Variants in ATG7 observed in about 807,000 individuals in gnomAD.
ATG7 encodes the protein autophagy related 7.
A neutral mutation model predicts 82.4 loss-of-function variants in ATG7; 70 were observed. That is an observed-to-expected ratio of 0.85 (90% CI 0.70 to 1.04). ATG7 has a LOEUF of 1.04. ATG7 is among the 50% of genes least tolerant of loss of function. The pLI, the probability that ATG7 is intolerant of heterozygous loss-of-function variation, is 0.00. For synonymous variants in ATG7, 287 were observed against 313.0 expected (o/e 0.92, Z 0.88); for missense variants, 792 against 864.3 (o/e 0.92, Z 1.05).
At chr3:11,359,738 A>G (rs1344041762) in intron 15 of ATG7, among the ~76,000 whole-genome samples, 1 of 151,124 alleles carries the variant, frequency 6.6e-6, no homozygotes, top group Admixed American at 6.6e-5. Context: ...AAAACCAACT[A>G]TGCGGAGCCA....
At chr3:11,376,232 A>T (rs2077406406) in intron 18 of ATG7, among the ~76,000 whole-genome samples, 1 of 152,200 alleles carries the variant, frequency 6.6e-6, no homozygotes, top group African/African-American at 2.4e-5. Context: ...GGGGGTGATG[A>T]AAATGTTCTG....
At chr3:11,286,997 C>T (rs1474323686) in intron 3 of ATG7, among the ~76,000 whole-genome samples, 1 of 151,738 alleles carries the variant, frequency 6.6e-6, no homozygotes, top group African/African-American at 2.4e-5. Flanking sequence ...GAACTCCTGC[C>T]CCCAAGCAGT....
At chr3:11,393,732 G>C (rs2078998856) in intron 19 of ATG7, among the ~76,000 whole-genome samples, 2 of 152,012 alleles carry the variant, frequency 1.3e-5, no homozygotes, top group African/African-American at 4.8e-5. Context: ...CCAGGCTGGA[G>C]TGCAGAGGTG....
At position 11,331,311 on chromosome 3, in the gene ATG7, CT is replaced by C. The variant is rs569871835; in HGVS notation, c.679-27del. ...ATTGTGAAGCTGACATGATACTCGA[CT>C]TACTCAGAAAGTCTTTTTTGTTCAC... On this transcript the variant is annotated intron_variant, in intron 9 of 20. Coordinates refer to ENST00000693202, the MANE Select transcript of ATG7 (RefSeq NM_001349232.2). 33 of 1,535,362 alleles carry C rather than the reference CT, an allele frequency of 2.1e-5. No individual in the cohort carries two copies. In the Middle Eastern group the frequency reaches 1.5e-3, roughly 71 times the overall value.
chr3:11,506,728 C>T (rs9837162), intron 20 of ATG7, among the ~76,000 whole-genome samples: 82,210 of 151,538 alleles, frequency 0.54, 22,731 homozygotes, highest in East Asian at 0.65. Context: ...AGTGGCAGAG[C>T]GAGACTCTGT....
intron 19 of ATG7, among the ~76,000 whole-genome samples, chr3:11,399,771 A>G (rs931137450): frequency 2.0e-5 from 3 of 152,122 alleles, no homozygotes; most frequent in Admixed American, 1.3e-4. Context: ...ACAGAGCTTC[A>G]CCATGTTGGT....
chr3:11,438,825 G>A (rs939167834), intron 20 of ATG7, among the ~76,000 whole-genome samples: 2 of 152,118 alleles, frequency 1.3e-5, no homozygotes, highest in Non-Finnish European at 2.9e-5. Context: ...CTGGCCTGTG[G>A]CGCTGCTGAG....
Position 11,348,047 on chromosome 3 carries a change from C to T in ATG7, c.1284+12C>T. On this transcript the variant is annotated intron_variant, in intron 14 of 20. Coordinates refer to ENST00000693202, the MANE Select transcript of ATG7 (RefSeq NM_001349232.2). ...TATTCCCCGGTGTGGTATGTTGTTG[C>T]TTTTGCAGAGGTTTTCTGTTATATG... 1 of 1,608,430 alleles carries T rather than the reference C, an allele frequency of 6.2e-7. No homozygotes were observed. Among genetic ancestry groups the T allele is most frequent in the East Asian group, 2.2e-5 (1 of 44,730 alleles).
At chr3:11,396,026 G>A (rs1234759822) in intron 19 of ATG7, among the ~76,000 whole-genome samples, 1 of 148,842 alleles carries the variant, frequency 6.7e-6, no homozygotes, top group East Asian at 2.0e-4. Context: ...CAAGAACAGA[G>A]TCCACCACTA....
chr3:11,357,211 T>G (rs1003677914), intron 14 of ATG7, among the ~76,000 whole-genome samples: 2 of 152,190 alleles, frequency 1.3e-5, no homozygotes, highest in African/African-American at 4.8e-5. Context: ...AGTTTATGAT[T>G]CTAGAACACA....
At chr3:11,278,560 C>G (rs1307304810) in intron 1 of ATG7, among the ~76,000 whole-genome samples, 1 of 152,206 alleles carries the variant, frequency 6.6e-6, no homozygotes, top group Non-Finnish European at 1.5e-5. Flanking sequence ...TATTGGGCAC[C>G]TGTGAGGTGC....
chr3:11,491,274 G>A (rs888205035), intron 20 of ATG7, among the ~76,000 whole-genome samples: 158 of 152,148 alleles, frequency 1.0e-3, no homozygotes, highest in Non-Finnish European at 1.3e-3. Context: ...TGGCTCCTGA[G>A]GCTTCTGCAT....
intron 20 of ATG7, among the ~76,000 whole-genome samples, chr3:11,485,499 C>A (rs1371622928): frequency 1.3e-5 from 2 of 152,156 alleles, no homozygotes; most frequent in Non-Finnish European, 2.9e-5. Flanking sequence ...GTTGCCTGTT[C>A]ACTCTGATGG....
intron 9 of ATG7, among the ~76,000 whole-genome samples, chr3:11,322,383 T>C (rs1237091766): frequency 6.6e-6 from 1 of 152,250 alleles, no homozygotes; most frequent in Non-Finnish European, 1.5e-5. Flanking sequence ...ATTTTGGAAA[T>C]ACTGGCAAAT....
intron 5 of ATG7, among the ~76,000 whole-genome samples, chr3:11,302,819 CCT>C (rs1430584856): frequency 1.3e-5 from 2 of 152,126 alleles, no homozygotes; most frequent in Non-Finnish European, 2.9e-5. Context: ...ACTCTGTGCC[CCT>C]GATAGTCTTA....
chr3:11,425,583 A>G (rs903595081), intron 19 of ATG7, among the ~76,000 whole-genome samples: 9 of 152,224 alleles, frequency 5.9e-5, no homozygotes, highest in African/African-American at 2.2e-4. Flanking sequence ...CTGAATTCCT[A>G]AATGTGATAC....
chr3:11,504,303 C>T (rs535362728), intron 20 of ATG7, among the ~76,000 whole-genome samples: 4 of 152,276 alleles, frequency 2.6e-5, no homozygotes, highest in South Asian at 2.1e-4. Context: ...CAAGCCAAAC[C>T]GCTCATTGAA....
Position 11,272,985 on chromosome 3 carries a change from G to A in ATG7, c.-366+555G>A, listed in dbSNP as rs528978295. Among the ~76,000 whole-genome samples the A allele has an allele frequency of 3.3e-5, 5 of 152,342 alleles. No individual in the cohort carries two copies. The East Asian group carries it at 5.8e-4, about 18-fold the overall frequency. On this transcript the variant is annotated intron_variant, in intron 1 of 20. Transcript: ENST00000693202. Reference sequence around the variant, plus strand: ...TCCGGTAAGGTAAATATAGGTGTTAGAACATTTGTCAGAAATAGAGTCAAA... The same window carrying A: ...TCCGGTAAGGTAAATATAGGTGTTAAAACATTTGTCAGAAATAGAGTCAAA...
At chr3:11,507,581 G>A (rs1348572240) in intron 20 of ATG7, among the ~76,000 whole-genome samples, 2 of 152,124 alleles carry the variant, frequency 1.3e-5, no homozygotes, top group Non-Finnish European at 2.9e-5. Context: ...TGCTAATAAT[G>A]TGGTTTGTTC....
Sources: gnomAD v4.1 joint callset for allele counts (sites outside exome capture counted in the v4.1 genomes callset) on GRCh38, gnomAD v4.1.1 for gene constraint, MANE v1.5 for transcripts, NCBI Gene and HGNC (gene_info 2026-07-23, HGNC 2026-07-21) for gene names.